Variants in BMAL1 observed in about 807,000 individuals in gnomAD.
The protein encoded by BMAL1 is basic helix-loop-helix ARNT like 1, also known as basic helix-loop-helix ARNT-like protein 1.
the BMAL1 span, among the ~76,000 whole-genome samples, chr11:13,318,117 C>T: frequency 6.6e-6 from 1 of 152,218 alleles, no homozygotes; most frequent in African/African-American, 2.4e-5. Flanking sequence ...CCGGCTGGCC[C>T]AGCCTCACTG....
the BMAL1 span, among the ~76,000 whole-genome samples, chr11:13,297,442 C>T: frequency 4.7e-3 from 714 of 152,298 alleles, 7 homozygotes; most frequent in African/African-American, 0.016. Context: ...CTTCTCGCTG[C>T]CTGTGGGCCG....
the BMAL1 span, among the ~76,000 whole-genome samples, chr11:13,334,532 T>TG: frequency 6.6e-6 from 1 of 151,408 alleles, no homozygotes; most frequent in Non-Finnish European, 1.5e-5. Context: ...CTTGATGTTT[T>TG]TTTTTTTTTT....
At chr11:13,375,042 G>A in the BMAL1 span, among the ~76,000 whole-genome samples, 1 of 152,058 alleles carries the variant, frequency 6.6e-6, no homozygotes, top group Non-Finnish European at 1.5e-5. Flanking sequence ...TGGCAAACTC[G>A]TGTTCATCCC....
the BMAL1 span, among the ~76,000 whole-genome samples, chr11:13,382,091 A>T: frequency 2.3e-3 from 349 of 152,274 alleles, 1 homozygote; most frequent in African/African-American, 8.0e-3. Flanking sequence ...TGTTCAGGTT[A>T]CCAAGAGCTG....
chr11:13,316,839 G>A, the BMAL1 span, among the ~76,000 whole-genome samples: 11 of 152,216 alleles, frequency 7.2e-5, no homozygotes, highest in African/African-American at 2.7e-4. Flanking sequence ...AAACTGAGAT[G>A]GGCTTAAAGT....
chr11:13,386,544 T>A, the BMAL1 span: 2 of 1,476,144 alleles, frequency 1.4e-6, no homozygotes, highest in Non-Finnish European at 1.8e-6. Flanking sequence ...TTACTTAATC[T>A]GAAGATGCTT....
the BMAL1 span, among the ~76,000 whole-genome samples, chr11:13,323,527 A>G: frequency 6.6e-6 from 1 of 152,308 alleles, no homozygotes; most frequent in East Asian, 1.9e-4. Flanking sequence ...ACCCAGGCCT[A>G]AAATGTGGGC....
At chr11:13,321,321 C>T in the BMAL1 span, among the ~76,000 whole-genome samples, 1 of 152,170 alleles carries the variant, frequency 6.6e-6, no homozygotes, top group Non-Finnish European at 1.5e-5. Flanking sequence ...ATGTTTACTG[C>T]GTGACTCCTG....
chr11:13,301,520 C>T, the BMAL1 span, among the ~76,000 whole-genome samples: 1 of 152,186 alleles, frequency 6.6e-6, no homozygotes, highest in Admixed American at 6.5e-5. Flanking sequence ...TTCTACCTCA[C>T]TGCTGGGCAG....
At chr11:13,339,874 C>T in the BMAL1 span, among the ~76,000 whole-genome samples, 1 of 152,170 alleles carries the variant, frequency 6.6e-6, no homozygotes, top group South Asian at 2.1e-4. Flanking sequence ...GGAGGTGTGC[C>T]AGATGAGGAC....
chr11:13,374,001 C>T, the BMAL1 span: 1 of 1,112,380 alleles, frequency 9.0e-7, no homozygotes, highest in Non-Finnish European at 1.3e-6. Flanking sequence ...TGACCTTGCT[C>T]TCATAGGCTG....
chr11:13,277,051 G>A, the BMAL1 span: 2 of 152,244 alleles, frequency 1.3e-5, no homozygotes, highest in Admixed American at 1.3e-4. Context: ...GACACTTGGA[G>A]GTCATGATGA....
At chr11:13,350,647 C>CA in the BMAL1 span, among the ~76,000 whole-genome samples, 2 of 151,928 alleles carry the variant, frequency 1.3e-5, no homozygotes, top group African/African-American at 2.4e-5. Flanking sequence ...CATGGACTAG[C>CA]AAATGGTGTT....
At chr11:13,325,531 C>G in the BMAL1 span, among the ~76,000 whole-genome samples, 7 of 152,078 alleles carry the variant, frequency 4.6e-5, no homozygotes, top group East Asian at 1.4e-3. Context: ...GTTCCAGCAT[C>G]TCCCTTCTTA....
chr11:13,282,452 G>C, the BMAL1 span, among the ~76,000 whole-genome samples: 1 of 152,202 alleles, frequency 6.6e-6, no homozygotes, highest in African/African-American at 2.4e-5. Context: ...CCTTGGCCTG[G>C]TTTGTAGTGG....
the BMAL1 span, chr11:13,358,645 C>T: frequency 2.2e-5 from 32 of 1,455,050 alleles, no homozygotes; most frequent in East Asian, 4.8e-4. Context: ...ATGTTACCAC[C>T]CTTGCCTAGA....
At chr11:13,385,785 A>G in the BMAL1 span, 12 of 1,609,072 alleles carry the variant, frequency 7.5e-6, no homozygotes, top group South Asian at 4.4e-5. Flanking sequence ...TAGTTCTTCT[A>G]TTCTTGGTAA....
chr11:13,283,414 G>A, the BMAL1 span, among the ~76,000 whole-genome samples: 11 of 152,132 alleles, frequency 7.2e-5, no homozygotes, highest in Admixed American at 7.2e-4. Context: ...AGTCACCTTT[G>A]CTTATTAACT....
At chr11:13,337,360 C>T in the BMAL1 span, among the ~76,000 whole-genome samples, 941 of 151,924 alleles carry the variant, frequency 6.2e-3, 10 homozygotes, top group African/African-American at 0.021. Flanking sequence ...CAATGTATAT[C>T]AATGTATATC....
Sources: allele counts gnomAD v4.1 joint callset (sites outside exome capture counted in the v4.1 genomes callset), GRCh38; gene constraint gnomAD v4.1.1; transcripts MANE v1.5; gene names NCBI Gene and HGNC (gene_info 2026-07-23, HGNC 2026-07-21).